The following SPON2 variants were observed in gnomAD, a reference collection of about 807,000 sequenced individuals.
The protein encoded by SPON2 is spondin-2.
Under a neutral mutation model 29.9 loss-of-function variants are expected in SPON2, and 32 were observed. That is an observed-to-expected ratio of 1.07 (90% CI 0.81 to 1.44). The LOEUF is 1.44. Ranked by LOEUF, SPON2 falls within the 40% of genes most tolerant of loss-of-function variation. The pLI is 0.00. For missense variants in SPON2, 541 were observed against 455.5 expected, an observed-to-expected ratio of 1.19 and a Z score of -1.71; for synonymous variants, 248 against 209.1, an observed-to-expected ratio of 1.19 and a Z score of -1.61.
At chr4:1,183,729 G>A (rs976119349) in intron 1 of SPON2, among the ~76,000 whole-genome samples, 4 of 152,114 alleles carry the variant, frequency 2.6e-5, no homozygotes, top group African/African-American at 9.7e-5. Flanking sequence ...AATTAAGCAG[G>A]TATAAATTTA....
chr4:1,170,295 C>A, intron 5 of SPON2, 107 bp downstream of exon 5: 1 of 1,102,242 alleles, frequency 9.1e-7, no homozygotes, highest in Non-Finnish European at 1.3e-6. Context: ...GTACGCACTA[C>A]GAATCCCTAC....
At chr4:1,189,523 C>T (rs553302367) in intron 1 of SPON2, among the ~76,000 whole-genome samples, 41 of 151,078 alleles carry the variant, frequency 2.7e-4, no homozygotes, top group African/African-American at 9.0e-4. Context: ...TGTGGTGGCA[C>T]GCACCTGTGG....
intron 1 of SPON2, among the ~76,000 whole-genome samples, chr4:1,182,670 G>T (rs545110577): frequency 6.6e-6 from 1 of 152,170 alleles, no homozygotes; most frequent in African/African-American, 2.4e-5. Context: ...AACATTTGAA[G>T]AAATAATAGT....
chr4:1,201,442 C>T (rs1047937547), intron 1 of SPON2: 11 of 213,148 alleles, frequency 5.2e-5, no homozygotes, highest in Non-Finnish European at 8.8e-5. Context: ...GCCCCCAAAC[C>T]ACGCAGGGAG....
At chr4:1,205,993 A>G (rs1331806702) in intron 1 of SPON2, among the ~76,000 whole-genome samples, 2 of 151,530 alleles carry the variant, frequency 1.3e-5, no homozygotes, top group East Asian at 3.9e-4. Flanking sequence ...CCAGGCCCCC[A>G]ACCCTGACCA....
chr4:1,170,393 G>A lies in SPON2; in HGVS notation c.811+9C>T, dbSNP rs747659459. 14 of 1,611,344 alleles carry A rather than the reference G, an allele frequency of 8.7e-6. No individual in the cohort carries two copies. The South Asian group carries it at 1.5e-4, about 18-fold the overall frequency. ...GCTGTGTGTCCCATGTGACCTGTAT[G>A]TCCGTTACCTGAGGCGCTGTCTACA... On this transcript the variant is annotated intron_variant, in intron 5 of 5. Coordinates refer to ENST00000290902, the MANE Select transcript of SPON2 (RefSeq NM_012445.4).
At chr4:1,203,512 GT>G (rs1346863878) in intron 1 of SPON2, among the ~76,000 whole-genome samples, 1 of 152,216 alleles carries the variant, frequency 6.6e-6, no homozygotes, top group Non-Finnish European at 1.5e-5. Flanking sequence ...AGATGGACAT[GT>G]AGGCTGTGCC....
At chr4:1,205,633 C>T (rs758776414) in intron 1 of SPON2, among the ~76,000 whole-genome samples, 7 of 152,206 alleles carry the variant, frequency 4.6e-5, no homozygotes, top group Admixed American at 6.5e-5. Flanking sequence ...GCAGTGCCTA[C>T]GGCAGCCTTG....
chr4:1,194,983 GC>G (rs1560210634), intron 1 of SPON2: 62 of 143,680 alleles, frequency 4.3e-4, no homozygotes, highest in East Asian at 1.0e-3. Flanking sequence ...GCAGCCGGCG[GC>G]CTCACCTCAC....
chr4:1,194,593 G>C (rs1727997596), intron 1 of SPON2, among the ~76,000 whole-genome samples: 2 of 152,308 alleles, frequency 1.3e-5, no homozygotes, highest in South Asian at 4.1e-4. Flanking sequence ...TGGGCCAGCT[G>C]CGCCGGAGGC....
At chr4:1,177,209 C>G (rs1311595488), upstream of SPON2, among the ~76,000 whole-genome samples, 4 of 152,216 alleles carry the variant, frequency 2.6e-5, no homozygotes, top group African/African-American at 9.6e-5. Context: ...CCCCTGTGTC[C>G]ACATCCAGCT....
chr4:1,179,231 G>C (rs1727663361), intron 2 of SPON2, among the ~76,000 whole-genome samples: 1 of 93,284 alleles, frequency 1.1e-5, no homozygotes, highest in East Asian at 4.5e-4. Flanking sequence ...GCTCACGGGA[G>C]GGCCAGCAAA....
intron 1 of SPON2, chr4:1,205,004 C>T (rs913533125): frequency 2.0e-4 from 30 of 152,244 alleles, no homozygotes; most frequent in Non-Finnish European, 2.9e-5. Context: ...ATCAGTTTTC[C>T]GGGTCTATGA....
intron 1 of SPON2, among the ~76,000 whole-genome samples, chr4:1,182,069 A>G (rs573844629): frequency 4.6e-5 from 7 of 152,342 alleles, no homozygotes; most frequent in Admixed American, 4.6e-4. Flanking sequence ...GCACAGAGAA[A>G]GCCTACAACA....
At chr4:1,189,224 A>G (rs1327332638) in intron 1 of SPON2, among the ~76,000 whole-genome samples, 1 of 152,086 alleles carries the variant, frequency 6.6e-6, no homozygotes, top group Non-Finnish European at 1.5e-5. Context: ...TACACTAAAT[A>G]AAAAGAGATC....
At chr4:1,167,732 A>G in intron 5 of SPON2, 76 bp from the exon 6 acceptor site, 7 of 1,473,044 alleles carry the variant, frequency 4.8e-6, no homozygotes, top group Non-Finnish European at 6.4e-6. Flanking sequence ...GCCACCTCCC[A>G]CCAACGTGTG....
In SPON2 at chr4:1,172,054, C is replaced by T. The variant is rs140294450; in HGVS notation, c.18G>A (p.Pro6=). The change falls in exon 2 of 6, where the codon CCG becomes CCA. Residue 6 remains proline, a synonymous_variant. Transcript: ENST00000290902. ...AGAGGGCCTTGCCCAGGGCGGCGGC[C>T]GGGCTGGGGTTTTCCATCACCTGGG... MENPS[P]AAALGKALCA... 2.7e-5 allele frequency: 44 copies of T among 1,611,538 alleles called. No individual in the cohort carries two copies. In the African/African-American group the frequency reaches 4.8e-4, roughly 18 times the overall value.
rs771503190 is a variant in SPON2 at position 1,171,440 on chromosome 4, G to C, written c.267C>G (p.Tyr89Ter). 2.5e-6 allele frequency: 4 copies of C among 1,612,258 alleles called. No homozygotes were observed. Among genetic ancestry groups the C allele is most frequent in the Non-Finnish European group, 3.4e-6 (4 of 1,179,756 alleles). Residue 89 changes from tyrosine to a stop codon, truncating the protein, a stop_gained, in exon 3 of 6, where the codon TAC becomes TAG. Coordinates refer to ENST00000290902, the MANE Select transcript of SPON2 (RefSeq NM_012445.4). LOFTEE classifies it high-confidence loss of function. Reference sequence around the variant, plus strand: ...CAAAGTCGCGCAGCCCGTTACTGACGTACTGGTTCTTCCTCCACATGCTGT... The same window carrying C: ...CAAAGTCGCGCAGCCCGTTACTGACCTACTGGTTCTTCCTCCACATGCTGT... ...SDYSMWRKNQ[Y>*]VSNGLRDFAE...
intron 5 of SPON2, among the ~76,000 whole-genome samples, chr4:1,168,999 C>G (rs572292055): frequency 6.6e-6 from 1 of 152,202 alleles, no homozygotes; most frequent in Non-Finnish European, 1.5e-5. Context: ...TCTGGTCCCT[C>G]GGCTGGCACA....
Sources: allele counts gnomAD v4.1 joint callset (sites outside exome capture counted in the v4.1 genomes callset), GRCh38; gene constraint gnomAD v4.1.1; transcripts MANE v1.5; gene names NCBI Gene and HGNC (gene_info 2026-07-23, HGNC 2026-07-21).